The following ATP2A2 variants were observed in gnomAD, a reference collection of about 807,000 sequenced individuals.
The protein encoded by ATP2A2 is ATPase sarcoplasmic/endoplasmic reticulum Ca2+ transporting 2.
Under a neutral mutation model 109.3 loss-of-function variants are expected in ATP2A2, and 14 were observed. The observed-to-expected ratio is 0.13, with a 90% confidence interval of 0.08 to 0.20. The LOEUF is 0.20. Among genes scored for constraint, ATP2A2 ranks in the 10% least tolerant of loss-of-function variants. The probability of loss-of-function intolerance (pLI) is 1.00; values close to 1 mark genes in which losing one functional copy is unlikely to be tolerated. For synonymous variants in ATP2A2, 506 were observed against 490.9 expected, an observed-to-expected ratio of 1.03 and a Z score of -0.41; for missense variants, 657 against 1,321.6, an observed-to-expected ratio of 0.50 and a Z score of 7.80.
At chr12:110,306,586 C>T (rs528219957) in intron 5 of ATP2A2, among the ~76,000 whole-genome samples, 85 of 152,246 alleles carry the variant, frequency 5.6e-4, no homozygotes, top group South Asian at 2.3e-3. Context: ...CAGTGTTTAG[C>T]TCCTACTTAC....
intron 5 of ATP2A2, among the ~76,000 whole-genome samples, chr12:110,305,433 A>G (rs931165082): frequency 1.3e-5 from 2 of 152,158 alleles, no homozygotes; most frequent in African/African-American, 2.4e-5. Context: ...AGCAAAAACT[A>G]TGGTGTGAGG....
In ATP2A2 at chr12:110,346,576, G is replaced by C. The variant is rs184087923; in HGVS notation, c.*106G>C. 6.1e-4 allele frequency: 944 copies of C among 1,548,872 alleles called. 2 individuals carry two copies. The highest frequency in any genetic ancestry group is 7.3e-4 in the Non-Finnish European group (842 of 1,152,710). On this transcript the variant is annotated 3_prime_UTR_variant, in exon 20 of 20. Coordinates refer to ENST00000539276, the MANE Select transcript of ATP2A2 (RefSeq NM_170665.4). Reference sequence around the variant, plus strand: ...AATTTTCACATGAACATACTGGCTGGTGATGGAGGTTTCATACTCTAGATT... The same window carrying C: ...AATTTTCACATGAACATACTGGCTGCTGATGGAGGTTTCATACTCTAGATT...
intron 8 of ATP2A2, among the ~76,000 whole-genome samples, chr12:110,328,540 T>C (rs1411617382): frequency 6.6e-6 from 1 of 152,110 alleles, no homozygotes; most frequent in Non-Finnish European, 1.5e-5. Flanking sequence ...CTGCTCTCAA[T>C]TCTGGGCGAC....
rs540641394 is a variant in ATP2A2 at position 110,300,810 on chromosome 12, AATAG to A, written c.463+4078_463+4081del. Among the ~76,000 whole-genome samples, 182 of 151,610 alleles carry A rather than the reference AATAG, an allele frequency of 1.2e-3. 2 individuals carry two copies. The highest frequency in any genetic ancestry group is 9.8e-3 in the Admixed American group (149 of 15,228). ...CTGGCTCAAAGCAACAGATTTTGATAATAGATAGGAGAGTGTGTAAATCAAAGAT... is the reference window on the plus strand; with the variant it reads ...CTGGCTCAAAGCAACAGATTTTGATAATAGGAGAGTGTGTAAATCAAAGAT... On this transcript the variant is annotated intron_variant, in intron 5 of 19. Transcript: ENST00000539276.
Position 110,340,832 on chromosome 12 carries a change from G to A in ATP2A2, c.1935G>A (p.Glu645=), listed in dbSNP as rs779720229. 3.2e-5 allele frequency: 51 copies of A among 1,614,122 alleles called. No homozygotes were observed. The South Asian group carries it at 5.5e-4, about 17-fold the overall frequency. The change falls in exon 14 of 20, where the codon GAG becomes GAA. Residue 645 remains glutamate, a synonymous_variant. Transcript: ENST00000539276. The surrounding 1 kb of genome is among the most constrained non-coding windows in gnomAD (Gnocchi z 6.0). ...CRRIGIFGQD[E]DVTSKAFTGR... ...GCATCGGCATCTTCGGGCAGGATGAGGACGTGACGTCAAAAGCTTTCACAG... is the reference window on the plus strand; with the variant it reads ...GCATCGGCATCTTCGGGCAGGATGAAGACGTGACGTCAAAAGCTTTCACAG...
intron 5 of ATP2A2, among the ~76,000 whole-genome samples, chr12:110,312,283 ATGT>A (rs1876164850): frequency 6.6e-6 from 1 of 152,030 alleles, no homozygotes; most frequent in East Asian, 1.9e-4. Flanking sequence ...TTACCTGGGG[ATGT>A]TGTTAAAATG....
chr12:110,293,946 G>C (rs982191541), intron 4 of ATP2A2, among the ~76,000 whole-genome samples: 3 of 142,276 alleles, frequency 2.1e-5, no homozygotes, highest in Non-Finnish European at 3.0e-5. Flanking sequence ...GTGTGATTTT[G>C]GCTCACTGCA....
At chr12:110,291,049 C>T (rs752850380) in intron 3 of ATP2A2, among the ~76,000 whole-genome samples, 4 of 152,030 alleles carry the variant, frequency 2.6e-5, no homozygotes, top group Non-Finnish European at 5.9e-5. Flanking sequence ...GCTGGGATTA[C>T]AGGCATGCAC....
At chr12:110,287,136 CCAGCTACT>C (rs1482616573) in intron 3 of ATP2A2, among the ~76,000 whole-genome samples, 3 of 152,008 alleles carry the variant, frequency 2.0e-5, no homozygotes, top group African/African-American at 7.3e-5. Flanking sequence ...CCCTGTAATC[CCAGCTACT>C]CAGGAGGCTG....
intron 11 of ATP2A2, among the ~76,000 whole-genome samples, chr12:110,334,901 T>C (rs139046277): frequency 7.2e-5 from 11 of 152,284 alleles, no homozygotes; most frequent in African/African-American, 2.4e-4. Context: ...AAACATTTCT[T>C]AACTCATTTG....
At chr12:110,293,523 T>C (rs1175680223) in intron 4 of ATP2A2, among the ~76,000 whole-genome samples, 3 of 151,612 alleles carry the variant, frequency 2.0e-5, no homozygotes, top group Non-Finnish European at 2.9e-5. Context: ...CCCTCCCGGG[T>C]AGCTGGGATT....
intron 8 of ATP2A2, among the ~76,000 whole-genome samples, chr12:110,329,170 A>G (rs988638909): frequency 6.6e-6 from 1 of 152,216 alleles, no homozygotes; most frequent in Non-Finnish European, 1.5e-5. Context: ...CAGATTACTT[A>G]CAGTACCTAA....
Position 110,349,263 on chromosome 12 carries a change from A to G in ATP2A2, c.*2793A>G. 1.0e-6 allele frequency: 1 copy of G among 985,564 alleles called. No homozygotes were observed. The highest frequency in any genetic ancestry group is 1.2e-6 in the Non-Finnish European group (1 of 830,000). 61.1% of individuals were successfully genotyped at this position (985,564 alleles called of 1,614,324 possible). On this transcript the variant is annotated 3_prime_UTR_variant, in exon 20 of 20. Transcript: ENST00000539276. ...GTGGTCTTGGCACATCCCTGGCCTC[A>G]GGCCCTCACCTAACAGTGAGGCAGC... is the stretch of plus-strand genomic sequence containing the variant.
In ATP2A2 at chr12:110,348,300, A is replaced by G; in HGVS notation, c.*1830A>G. 1.0e-6 allele frequency: 1 copy of G among 983,734 alleles called. No homozygotes were observed. The highest frequency in any genetic ancestry group is 1.2e-6 in the Non-Finnish European group (1 of 829,582). 60.9% of individuals were successfully genotyped at this position (983,734 alleles called of 1,614,324 possible). A position where few individuals can be genotyped will look rare whatever the true frequency, so the allele number is the denominator to read the frequency against. On this transcript the variant is annotated 3_prime_UTR_variant, in exon 20 of 20. Transcript: ENST00000539276. ...TTGCTTGGTCTTGTCCTTGGTGGCT[A>G]AGACTTAGCTCTGCAGGGGATGTTA...
At chr12:110,331,765 A>AT (rs1878364241) in intron 8 of ATP2A2, 1 of 152,158 alleles carries the variant, frequency 6.6e-6, no homozygotes, top group Non-Finnish European at 1.5e-5. Context: ...ACTTTCTGTA[A>AT]TTTTTTCTTT....
At chr12:110,289,593 T>C (rs1476961807) in intron 3 of ATP2A2, among the ~76,000 whole-genome samples, 1 of 152,194 alleles carries the variant, frequency 6.6e-6, no homozygotes, top group African/African-American at 2.4e-5. Flanking sequence ...CAAACAGATA[T>C]TTCTTATTCA....
intron 3 of ATP2A2, among the ~76,000 whole-genome samples, chr12:110,288,483 TA>T (rs539883631): frequency 3.0e-4 from 46 of 151,994 alleles, no homozygotes; most frequent in Non-Finnish European, 5.7e-4. Context: ...CGGCTCGCTG[TA>T]ACCTCTGCCT....
At chr12:110,324,585 C>G (rs1461647887) in intron 6 of ATP2A2, among the ~76,000 whole-genome samples, 1 of 152,144 alleles carries the variant, frequency 6.6e-6, no homozygotes. Flanking sequence ...CCATGCCCAG[C>G]TTATTTTTGT....
intron 5 of ATP2A2, among the ~76,000 whole-genome samples, chr12:110,310,594 T>C (rs1473652960): frequency 1.3e-5 from 2 of 152,200 alleles, no homozygotes; most frequent in East Asian, 1.9e-4. Flanking sequence ...ATGACTTCTG[T>C]CTTGTAGTAT....
Sources: allele counts gnomAD v4.1 joint callset (sites outside exome capture counted in the v4.1 genomes callset), GRCh38; gene constraint gnomAD v4.1.1; non-coding constraint Gnocchi (gnomAD v3.1); transcripts MANE v1.5; gene names NCBI Gene and HGNC (gene_info 2026-07-23, HGNC 2026-07-21).